SRL: variants seen among roughly 807,000 people sequenced by gnomAD.
The protein encoded by SRL is sarcalumenin.
SRL carries 23 observed loss-of-function variants against 39.5 expected under a neutral mutation model. That is an observed-to-expected ratio of 0.58 (90% CI 0.42 to 0.82). The LOEUF (loss-of-function observed/expected upper bound fraction) is 0.82. Among genes scored for constraint, SRL ranks in the 40% least tolerant of loss-of-function variants. The probability of loss-of-function intolerance (pLI) is 0.00; values close to 1 mark genes in which losing one functional copy is unlikely to be tolerated. For synonymous variants in SRL, 272 were observed against 237.4 expected (o/e 1.15, Z -1.34); for missense variants, 592 against 607.8 (o/e 0.97, Z 0.27).
chr16:4,217,905 C>T (rs945859792), intron 1 of SRL, among the ~76,000 whole-genome samples: 2 of 152,120 alleles, frequency 1.3e-5, no homozygotes, highest in African/African-American at 4.8e-5. Flanking sequence ...TCAGGGGGCC[C>T]GGAGCCATCC....
chr16:4,191,837 A>T lies in SRL; in HGVS notation c.*316T>A. On this transcript the variant is annotated 3_prime_UTR_variant, in exon 6 of 6. Coordinates refer to ENST00000399609, the MANE Select transcript of SRL (RefSeq NM_001098814.2). ...GCTGCTTTTAGCTTATTTGACCCTC[A>T]CTGATTTAAGATACACTAGAATTTA... 3.6e-6 allele frequency: 1 copy of T among 277,814 alleles called. No individual in the cohort carries two copies. Among genetic ancestry groups the T allele is most frequent in the East Asian group, 6.4e-5 (1 of 15,534 alleles). The allele number at this position is 277,814 out of a possible 1,614,324, so 17.2% of individuals were successfully genotyped here.
intron 1 of SRL, among the ~76,000 whole-genome samples, chr16:4,237,336 G>A (rs562170538): frequency 1.3e-5 from 2 of 152,084 alleles, no homozygotes; most frequent in African/African-American, 2.4e-5. Context: ...GAACCTGTAA[G>A]GGCCCCCTCC....
At chr16:4,196,104 G>C (rs913458609) in intron 4 of SRL, among the ~76,000 whole-genome samples, 26 of 151,966 alleles carry the variant, frequency 1.7e-4, no homozygotes, top group Non-Finnish European at 3.7e-4. Context: ...GAGATTACAG[G>C]CACTCGCCAC....
chr16:4,220,194 C>T (rs1235856635), intron 1 of SRL, among the ~76,000 whole-genome samples: 1 of 151,924 alleles, frequency 6.6e-6, no homozygotes, highest in Non-Finnish European at 1.5e-5. Context: ...TGCCTATAAT[C>T]CCAGTACTCT....
At chr16:4,202,995 A>C (rs536902189) in intron 3 of SRL, among the ~76,000 whole-genome samples, 171 bp downstream of exon 3, 1 of 152,252 alleles carries the variant, frequency 6.6e-6, no homozygotes, top group Non-Finnish European at 1.5e-5. Flanking sequence ...GTCCTTTCCA[A>C]CTCCCAGGGG....
chr16:4,238,484 G>C (rs960322020), intron 1 of SRL, among the ~76,000 whole-genome samples: 3 of 152,192 alleles, frequency 2.0e-5, no homozygotes, highest in Admixed American at 2.0e-4. Context: ...TAAAAGCACT[G>C]GCCAAGGAGT....
chr16:4,190,668 T>C lies in SRL; in HGVS notation c.*1485A>G, dbSNP rs2052049730. The C allele has an allele frequency of 7.6e-6, 3 of 393,948 alleles. No individual in the cohort carries two copies. Among genetic ancestry groups the C allele is most frequent in the Admixed American group, 4.4e-5 (1 of 22,540 alleles). 24.4% of individuals were successfully genotyped at this position (393,948 alleles called of 1,614,324 possible). ...CAACATACACACATATTCACACTTA[T>C]TGGTATTGAAGGCCCTGGCTTTCCT... On this transcript the variant is annotated 3_prime_UTR_variant, in exon 6 of 6. Coordinates refer to ENST00000399609, the MANE Select transcript of SRL (RefSeq NM_001098814.2).
At chr16:4,227,590 G>A (rs2052607715) in intron 1 of SRL, among the ~76,000 whole-genome samples, 1 of 152,166 alleles carries the variant, frequency 6.6e-6, no homozygotes, top group East Asian at 1.9e-4. Flanking sequence ...TGAATGGAAG[G>A]ATGGATGAAT....
intron 2 of SRL, among the ~76,000 whole-genome samples, chr16:4,203,592 G>C (rs1376796121): frequency 1.3e-5 from 2 of 152,132 alleles, no homozygotes; most frequent in East Asian, 3.8e-4. Context: ...TGCAATCATA[G>C]CTCACTGCAG....
chr16:4,206,911 C>A (rs1228526886), intron 1 of SRL: 1 of 456,366 alleles, frequency 2.2e-6, no homozygotes, highest in Admixed American at 2.3e-5. Context: ...TCCTGGGGTT[C>A]CCTGGCTTCC....
chr16:4,240,213 A>G (rs2052758173), intron 1 of SRL, among the ~76,000 whole-genome samples: 2 of 152,206 alleles, frequency 1.3e-5, no homozygotes, highest in Non-Finnish European at 2.9e-5. Flanking sequence ...GGAAGTTAGC[A>G]CACAGCGGAG....
intron 1 of SRL, among the ~76,000 whole-genome samples, chr16:4,221,205 T>C (rs541347757): frequency 2.6e-5 from 4 of 152,126 alleles, no homozygotes; most frequent in Non-Finnish European, 5.9e-5. Context: ...CATGCCACCA[T>C]GTCCAGCTAA....
chr16:4,209,784 T>G (rs1205947500), intron 1 of SRL, among the ~76,000 whole-genome samples: 2 of 152,212 alleles, frequency 1.3e-5, no homozygotes, highest in Admixed American at 1.3e-4. Context: ...TAACCTTCTT[T>G]ACGACTGTCA....
rs1597272294 is a variant in SRL, at chr16:4,203,016, C to G, written c.259+150G>C. On this transcript the variant is annotated intron_variant, in intron 3 of 5. Transcript: ENST00000399609. The stretch of plus-strand genomic sequence containing the variant: ...TCCAACTCCCAGGGGGAGCCCAGAC[C>G]CAGACCCACAAGTCCTTGCACACAT... 4 of 693,720 alleles carry G rather than the reference C, an allele frequency of 5.8e-6. No individual in the cohort carries two copies. In the East Asian group the frequency reaches 7.7e-5, roughly 13 times the overall value. The allele number at this position is 693,720 out of a possible 1,614,324, so 43.0% of individuals were successfully genotyped here.
intron 1 of SRL, 143 bp downstream of exon 1, chr16:4,241,864 A>T: frequency 1.2e-6 from 1 of 832,096 alleles, no homozygotes; most frequent in Non-Finnish European, 1.9e-6. Flanking sequence ...AGGCCCGGGG[A>T]AAAGAGAAGG....
At chr16:4,215,125 G>A (rs1411917199) in intron 1 of SRL, among the ~76,000 whole-genome samples, 1 of 152,212 alleles carries the variant, frequency 6.6e-6, no homozygotes, top group East Asian at 1.9e-4. Flanking sequence ...TTGCCCATAA[G>A]GACCCGAGAA....
chr16:4,234,743 G>T (rs939150586), intron 1 of SRL, among the ~76,000 whole-genome samples: 1 of 152,218 alleles, frequency 6.6e-6, no homozygotes, highest in African/African-American at 2.4e-5. Context: ...ATGCTTAGCA[G>T]CCGTGCTCGC....
chr16:4,222,271 C>T (rs1158104327), intron 1 of SRL, among the ~76,000 whole-genome samples: 2 of 152,162 alleles, frequency 1.3e-5, no homozygotes, highest in African/African-American at 2.4e-5. Flanking sequence ...GTGACATCAC[C>T]CTATGTGACG....
At chr16:4,197,079 T>G (rs1397413727) in intron 4 of SRL, among the ~76,000 whole-genome samples, 1 of 103,138 alleles carries the variant, frequency 9.7e-6, no homozygotes, top group African/African-American at 4.0e-5. Context: ...TTTTTTTTTT[T>G]TTTTTGTGAG....
Sources: gnomAD v4.1 joint callset for allele counts (sites outside exome capture counted in the v4.1 genomes callset) on GRCh38, gnomAD v4.1.1 for gene constraint, MANE v1.5 for transcripts, NCBI Gene and HGNC (gene_info 2026-07-23, HGNC 2026-07-21) for gene names.